Variants in ABCB11 observed in about 807,000 individuals in gnomAD.
The protein encoded by ABCB11 is ATP binding cassette subfamily B member 11, also known as bile salt export pump.
Under a neutral mutation model 148.0 loss-of-function variants are expected in ABCB11, and 95 were observed. The observed-to-expected ratio is 0.64, with a 90% CI of 0.54 to 0.76. The LOEUF is 0.76. Ranked by LOEUF, ABCB11 falls within the 30% of genes least tolerant of loss-of-function variation. ABCB11 has a pLI of 0.00. For synonymous variants in ABCB11, 591 were observed against 555.4 expected (o/e 1.06, Z -0.90); for missense variants, 1,523 against 1,617.8 (o/e 0.94, Z 1.01).
intron 10 of ABCB11, among the ~76,000 whole-genome samples, chr2:168,985,863 G>A (rs1247299304): frequency 6.6e-6 from 1 of 151,858 alleles, no homozygotes; most frequent in Non-Finnish European, 1.5e-5. Context: ...TGGGTGATGG[G>A]TGCACCAAAA....
chr2:168,978,261 T>C (rs1490490816), intron 11 of ABCB11, among the ~76,000 whole-genome samples: 1 of 145,878 alleles, frequency 6.9e-6, no homozygotes, highest in Non-Finnish European at 1.5e-5. Context: ...TCCTCCCATA[T>C]CAGCCTCCTG....
Position 168,975,327 on chromosome 2 carries a change from A to G in ABCB11, c.1308+1250T>C, listed in dbSNP as rs1193168607. The stretch of plus-strand genomic sequence containing the variant: ...TTTAAATATTTATAGATAAATATAT[A>G]AATATATAAATATTTTTATATTTAT... On this transcript the variant is annotated intron_variant, in intron 12 of 27. Transcript: ENST00000650372. Among the ~76,000 whole-genome samples, 13 of 68,240 alleles carry G rather than the reference A, an allele frequency of 1.9e-4. 4 individuals are homozygous for G. Among genetic ancestry groups the G allele is most frequent in the Admixed American group, 3.3e-4 (2 of 6,070 alleles). 44.8% of individuals were successfully genotyped at this position (68,240 alleles called of 152,430 possible). A position where few individuals can be genotyped will look rare whatever the true frequency, so the allele number is the denominator to read the frequency against.
chr2:168,923,949 A>C (rs562170226), intron 27 of ABCB11, 127 bp from the exon 28 acceptor site: 4 of 802,244 alleles, frequency 5.0e-6, no homozygotes, highest in African/African-American at 1.7e-5. Flanking sequence ...AAGGCTCAAC[A>C]TAAGAGAGGA....
intron 19 of ABCB11, among the ~76,000 whole-genome samples, chr2:168,956,925 G>A (rs767331488): frequency 2.6e-5 from 4 of 151,560 alleles, no homozygotes; most frequent in Non-Finnish European, 4.4e-5. Flanking sequence ...AAAGCCTCTT[G>A]TGGCTCTCAG....
rs1379025739 is a variant in ABCB11, at chr2:168,923,604, T to C, written c.*18A>G. 6.2e-7 allele frequency: 1 copy of C among 1,611,544 alleles called. No individual in the cohort carries two copies. On this transcript the variant is annotated 3_prime_UTR_variant, in exon 28 of 28. Coordinates refer to ENST00000650372, the MANE Select transcript of ABCB11 (RefSeq NM_003742.4). Reference sequence around the variant, plus strand: ...CTGTAACTGGTGCGTCATGTGTGTCTGAGATTCTTGCATTGGGTCAACTGA... The same window carrying C: ...CTGTAACTGGTGCGTCATGTGTGTCCGAGATTCTTGCATTGGGTCAACTGA...
At chr2:168,990,737 A>G in intron 9 of ABCB11, 64 bp downstream of exon 9, 2 of 1,598,718 alleles carry the variant, frequency 1.3e-6, no homozygotes, top group Admixed American at 1.7e-5. Context: ...GCACAAACTG[A>G]GAGACTCAGG....
intron 1 of ABCB11, among the ~76,000 whole-genome samples, 159 bp from the exon 2 acceptor site, chr2:169,018,311 T>A (rs1695427239): frequency 6.6e-6 from 1 of 152,188 alleles, no homozygotes; most frequent in African/African-American, 2.4e-5. Flanking sequence ...TGAAAGAGCC[T>A]AATTATCAGG....
chr2:168,974,550 T>C (rs1263118884), intron 12 of ABCB11, among the ~76,000 whole-genome samples: 1 of 151,966 alleles, frequency 6.6e-6, no homozygotes, highest in Admixed American at 6.6e-5. Context: ...AACTTGCAAA[T>C]ACATTTTCAC....
At chr2:168,940,203 A>C (rs1692000141) in intron 21 of ABCB11, among the ~76,000 whole-genome samples, 1 of 152,098 alleles carries the variant, frequency 6.6e-6, no homozygotes, top group Non-Finnish European at 1.5e-5. Context: ...AGGTGTGTTG[A>C]AGGCTGAGAT....
At position 168,971,767 on chromosome 2, in the gene ABCB11, GAAGAAATGTGTAT is replaced by G. The variant is rs1693586169; in HGVS notation, c.1638+67_1638+79del. The G allele has an allele frequency of 6.8e-6, 9 of 1,320,616 alleles. No homozygotes were observed. In the South Asian group the frequency reaches 1.1e-4, roughly 17 times the overall value. 81.8% of individuals were successfully genotyped at this position (1,320,616 alleles called of 1,614,324 possible). A position where few individuals can be genotyped will look rare whatever the true frequency, so the allele number is the denominator to read the frequency against. Reference sequence around the variant, plus strand: ...ATTTAATGACTTGGGAATCATACGAGAAGAAATGTGTATAATTGTGCAACTTTTTTTCCTTCTA... The same window carrying G: ...ATTTAATGACTTGGGAATCATACGAGAATTGTGCAACTTTTTTTCCTTCTA... On this transcript the variant is annotated intron_variant, in intron 14 of 27. Coordinates refer to ENST00000650372, the MANE Select transcript of ABCB11 (RefSeq NM_003742.4).
At chr2:168,979,660 G>A (rs573981155) in intron 11 of ABCB11, among the ~76,000 whole-genome samples, 1 of 105,256 alleles carries the variant, frequency 9.5e-6, no homozygotes, top group Non-Finnish European at 1.8e-5. Flanking sequence ...CAACAAGAGC[G>A]AAACTCCATC....
At chr2:168,959,339 A>T (rs1268729272) in intron 18 of ABCB11, among the ~76,000 whole-genome samples, 1 of 151,708 alleles carries the variant, frequency 6.6e-6, no homozygotes. Flanking sequence ...CACCTGTGAC[A>T]GCTTACTAGC....
At chr2:168,987,841 T>C (rs1469562959) in intron 9 of ABCB11, among the ~76,000 whole-genome samples, 1 of 152,218 alleles carries the variant, frequency 6.6e-6, no homozygotes, top group Non-Finnish European at 1.5e-5. Context: ...TGAAATAGCA[T>C]TTTGAATCAT....
At chr2:168,965,227 G>T (rs901649868) in intron 17 of ABCB11, among the ~76,000 whole-genome samples, 1 of 151,762 alleles carries the variant, frequency 6.6e-6, no homozygotes, top group African/African-American at 2.4e-5. Context: ...GACAGGGGAG[G>T]ACAGGGTTGC....
chr2:168,966,325 A>G (rs975819877), intron 17 of ABCB11, among the ~76,000 whole-genome samples: 1 of 151,892 alleles, frequency 6.6e-6, no homozygotes. Context: ...AGTTCTGAGT[A>G]TGGGAAGACC....
Position 169,018,118 on chromosome 2 carries a change from T to A in ABCB11, c.8A>T (p.Asp3Val), listed in dbSNP as rs1475944635. 1 of 1,613,568 alleles carries A rather than the reference T, an allele frequency of 6.2e-7. No homozygotes were observed. Among genetic ancestry groups the A allele is most frequent in the East Asian group, 2.2e-5 (1 of 44,856 alleles). Residue 3 changes from aspartate to valine, a missense_variant, in exon 2 of 28, where the codon GAC becomes GTC. By Grantham distance (152) the Asp-to-Val change is radical (BLOSUM62 -3). Transcript: ENST00000650372. MSDSVILRSIKKF... is the reference protein window; with the variant it reads MSVSVILRSIKKF... ...CTTTATACTTCGAAGAATTACTGAGTCAGACATGGTAATTGCAACCCACAG... is the reference window on the plus strand; with the variant it reads ...CTTTATACTTCGAAGAATTACTGAGACAGACATGGTAATTGCAACCCACAG...
At chr2:169,015,566 T>C (rs1304334575) in intron 3 of ABCB11, among the ~76,000 whole-genome samples, 2 of 152,210 alleles carry the variant, frequency 1.3e-5, no homozygotes, top group East Asian at 3.9e-4. Flanking sequence ...GTGCATTTTC[T>C]TTAGGTAACC....
downstream of ABCB11, among the ~76,000 whole-genome samples, chr2:168,919,496 G>T (rs920881597): frequency 6.6e-6 from 1 of 152,064 alleles, no homozygotes; most frequent in African/African-American, 2.4e-5. Context: ...TACTTCCTCT[G>T]GGTACAGCAC....
chr2:168,943,153 C>T (rs1692144091), intron 21 of ABCB11, among the ~76,000 whole-genome samples: 1 of 151,908 alleles, frequency 6.6e-6, no homozygotes, highest in Non-Finnish European at 1.5e-5. Flanking sequence ...CCTTCAAAAG[C>T]TCCTTGCAGA....
Sources: allele counts gnomAD v4.1 joint callset (sites outside exome capture counted in the v4.1 genomes callset), GRCh38; gene constraint gnomAD v4.1.1; transcripts MANE v1.5; gene names NCBI Gene and HGNC (gene_info 2026-07-23, HGNC 2026-07-21).